The following SNTA1 variants were observed in gnomAD, a reference collection of about 807,000 sequenced individuals.
SNTA1 encodes the protein alpha-1-syntrophin.
In SNTA1, 31 loss-of-function variants were observed where a neutral mutation model predicts 47.1. The ratio of observed to expected loss-of-function variants is 0.66; its 90% confidence interval spans 0.49 to 0.89. The LOEUF is 0.89. SNTA1 is among the 40% of genes least tolerant of loss of function. The probability of loss-of-function intolerance (pLI) is 0.00; values close to 1 mark genes in which losing one functional copy is unlikely to be tolerated. For missense variants in SNTA1, 575 were observed against 693.0 expected (o/e 0.83, Z 1.91); for synonymous variants, 300 against 313.6 (o/e 0.96, Z 0.46).
At position 33,408,689 on chromosome 20, in the gene SNTA1, C is replaced by A; in HGVS notation, c.1425+12G>T. ...CCTCCTCCCCAGGGTGCAGAGGCAG[C>A]CCCTCACTCACGATCTCGCCTTCAG... On this transcript the variant is annotated intron_variant, in intron 7 of 7. Transcript: ENST00000217381. 1 of 1,613,672 alleles carries A rather than the reference C, an allele frequency of 6.2e-7. No individual in the cohort carries two copies. Among genetic ancestry groups the A allele is most frequent in the Non-Finnish European group, 8.5e-7 (1 of 1,179,596 alleles).
chr20:33,418,327 C>G (rs1248205629), intron 2 of SNTA1, among the ~76,000 whole-genome samples: 1 of 149,978 alleles, frequency 6.7e-6, no homozygotes, highest in Non-Finnish European at 1.5e-5. Context: ...GTGATCACAG[C>G]TCGCTACAGC....
At chr20:33,424,581 A>G (rs1324028011) in intron 2 of SNTA1, among the ~76,000 whole-genome samples, 1 of 151,846 alleles carries the variant, frequency 6.6e-6, no homozygotes, top group Non-Finnish European at 1.5e-5. Flanking sequence ...TGGTATGATC[A>G]CAGCTCACTG....
chr20:33,424,314 C>CAA (rs879835008), intron 2 of SNTA1, among the ~76,000 whole-genome samples: 1 of 73,960 alleles, frequency 1.4e-5, no homozygotes, highest in African/African-American at 5.2e-5. Context: ...AACGCCATCT[C>CAA]AAAAAAAAAA....
chr20:33,417,965 C>T, intron 2 of SNTA1, 42 bp from the exon 3 acceptor site: 1 of 1,292,196 alleles, frequency 7.7e-7, no homozygotes, highest in Non-Finnish European at 1.1e-6. Flanking sequence ...GTGACATGGG[C>T]TCCCAGCACA....
chr20:33,437,055 G>T, intron 2 of SNTA1, among the ~76,000 whole-genome samples: 1 of 151,314 alleles, frequency 6.6e-6, no homozygotes, highest in Admixed American at 6.6e-5. Context: ...ACAAGCTCAG[G>T]AGTTTGAGAC....
intron 7 of SNTA1, 40 bp from the exon 8 acceptor site, chr20:33,408,639 G>A: frequency 1.2e-6 from 2 of 1,609,902 alleles, no homozygotes; most frequent in East Asian, 4.5e-5. Flanking sequence ...GCCCTGGCCA[G>A]CCTGGCCTCC....
chr20:33,442,962 A>G (rs1486750877), intron 1 of SNTA1, among the ~76,000 whole-genome samples: 2 of 151,560 alleles, frequency 1.3e-5, no homozygotes, highest in African/African-American at 4.9e-5. Flanking sequence ...TCCCGGCCTC[A>G]ACCCCCTTTC....
At chr20:33,442,242 C>T (rs1382341159) in intron 1 of SNTA1, among the ~76,000 whole-genome samples, 3 of 152,154 alleles carry the variant, frequency 2.0e-5, no homozygotes, top group African/African-American at 4.8e-5. Flanking sequence ...CCATCCCCAC[C>T]GCCTCAGCCA....
intron 2 of SNTA1, 36 bp from the exon 3 acceptor site, chr20:33,417,959 C>T: frequency 2.2e-6 from 3 of 1,341,794 alleles, no homozygotes; most frequent in Non-Finnish European, 2.1e-6. Flanking sequence ...ACCACTGTGA[C>T]ATGGGCTCCC....
At chr20:33,427,830 T>C (rs1364936777) in intron 2 of SNTA1, among the ~76,000 whole-genome samples, 1 of 152,126 alleles carries the variant, frequency 6.6e-6, no homozygotes, top group Non-Finnish European at 1.5e-5. Flanking sequence ...TGTTCATAGC[T>C]ATATCCTTGG....
chr20:33,425,174 G>C (rs1044425950), intron 2 of SNTA1, among the ~76,000 whole-genome samples: 46 of 152,128 alleles, frequency 3.0e-4, no homozygotes, highest in Admixed American at 2.9e-3. Context: ...CTACTCAGGA[G>C]GCTGAGATGG....
chr20:33,438,184 C>T (rs1214356316), intron 2 of SNTA1, among the ~76,000 whole-genome samples: 2 of 152,132 alleles, frequency 1.3e-5, no homozygotes, highest in Non-Finnish European at 2.9e-5. Context: ...CCTGTAATCC[C>T]AGCTACTTGG....
intron 2 of SNTA1, among the ~76,000 whole-genome samples, chr20:33,419,574 C>T (rs188215366): frequency 2.9e-4 from 44 of 152,210 alleles, no homozygotes; most frequent in African/African-American, 9.9e-4. Flanking sequence ...ACTGTAGCAA[C>T]GACTTACCCC....
rs1600844808 is a variant in SNTA1 at position 33,417,880 on chromosome 20, A to G, written c.540T>C (p.Thr180=). 1 of 1,614,142 alleles carries G rather than the reference A, an allele frequency of 6.2e-7. No homozygotes were observed. The highest frequency in any genetic ancestry group is 1.3e-5 in the African/African-American group (1 of 75,062). The change falls in exon 3 of 8, where the codon ACT becomes ACC. Residue 180 remains threonine, a synonymous_variant. Transcript: ENST00000217381. ...AGTCCCAGCCGACCGAGGTCCCACC[A>G]GTAGAGTTCTTGAAATACGGTGAGA... ...KDVSPYFKNS[T]GGTSVGWDSP...
chr20:33,440,385 G>A (rs946659490), intron 1 of SNTA1, among the ~76,000 whole-genome samples: 5 of 152,152 alleles, frequency 3.3e-5, no homozygotes, highest in African/African-American at 1.2e-4. Context: ...GAACCGGGAG[G>A]CTGAGGTTGC....
chr20:33,438,476 T>G (rs1176998566), intron 2 of SNTA1, among the ~76,000 whole-genome samples: 1 of 152,084 alleles, frequency 6.6e-6, no homozygotes, highest in Non-Finnish European at 1.5e-5. Context: ...GTCACTCAGG[T>G]GCTGGCACAC....
At chr20:33,409,275 C>A (rs188526713) in intron 6 of SNTA1, among the ~76,000 whole-genome samples, 110 of 152,258 alleles carry the variant, frequency 7.2e-4, no homozygotes, top group Admixed American at 1.8e-3. Flanking sequence ...AAAAAGTATT[C>A]ATTGTTAACC....
At chr20:33,409,212 G>A (rs542311365) in intron 6 of SNTA1, among the ~76,000 whole-genome samples, 3 of 152,216 alleles carry the variant, frequency 2.0e-5, no homozygotes, top group South Asian at 4.1e-4. Flanking sequence ...AGAGTTACCC[G>A]GCTAAATTTA....
chr20:33,408,651 AG>A, intron 7 of SNTA1, 49 bp downstream of exon 7: 3 of 1,610,920 alleles, frequency 1.9e-6, no homozygotes, highest in Non-Finnish European at 2.5e-6. Flanking sequence ...CTGGCCTCCG[AG>A]AGTGCACACC....
Sources: allele counts gnomAD v4.1 joint callset (sites outside exome capture counted in the v4.1 genomes callset), GRCh38; gene constraint gnomAD v4.1.1; transcripts MANE v1.5; gene names NCBI Gene and HGNC (gene_info 2026-07-23, HGNC 2026-07-21).